Variants in FSTL5 observed in about 807,000 individuals in gnomAD.
The protein encoded by FSTL5 is follistatin like 5, also known as follistatin-related protein 5.
Under a neutral mutation model 89.1 loss-of-function variants are expected in FSTL5, and 62 were observed. That is an observed-to-expected ratio of 0.70 (90% CI 0.57 to 0.86). The LOEUF is 0.86. Ranked by LOEUF, FSTL5 falls within the 40% of genes least tolerant of loss-of-function variation. FSTL5 has a pLI of 0.00. For synonymous variants in FSTL5, 383 were observed against 346.2 expected (o/e 1.11, Z -1.18); for missense variants, 1,057 against 1,001.6 (o/e 1.06, Z -0.75).
At chr4:161,737,796 A>C (rs1739869684) in intron 6 of FSTL5, among the ~76,000 whole-genome samples, 1 of 147,388 alleles carries the variant, frequency 6.8e-6, no homozygotes, top group African/African-American at 2.5e-5. Flanking sequence ...TTTAGAGATA[A>C]AGAAAAAAAA....
chr4:161,934,115 G>T (rs2110903231), intron 3 of FSTL5, among the ~76,000 whole-genome samples: 1 of 152,144 alleles, frequency 6.6e-6, no homozygotes, highest in Middle Eastern at 3.4e-3. Context: ...GAAGAAACTA[G>T]CTCCAAATAG....
intron 7 of FSTL5, among the ~76,000 whole-genome samples, chr4:161,594,133 G>A (rs1195746790): frequency 1.3e-5 from 2 of 151,982 alleles, no homozygotes; most frequent in African/African-American, 4.8e-5. Flanking sequence ...AAGATATCTA[G>A]TCTCCATAAC....
At chr4:161,770,656 A>G (rs1741176813) in intron 5 of FSTL5, among the ~76,000 whole-genome samples, 2 of 151,944 alleles carry the variant, frequency 1.3e-5, no homozygotes, top group African/African-American at 4.8e-5. Flanking sequence ...CAACGTTTTC[A>G]TTATTTTTAA....
intron 7 of FSTL5, among the ~76,000 whole-genome samples, chr4:161,649,217 T>C (rs1364232621): frequency 6.6e-6 from 1 of 152,206 alleles, no homozygotes; most frequent in Non-Finnish European, 1.5e-5. Context: ...GATCTTGTAA[T>C]TTACATGTGG....
intron 4 of FSTL5, among the ~76,000 whole-genome samples, chr4:161,814,838 T>C (rs11935192): frequency 0.25 from 37,302 of 151,934 alleles, 4,745 homozygotes; most frequent in Non-Finnish European, 0.26. Context: ...CATGATGAGA[T>C]AGTATGTTCC....
chr4:161,759,453 C>A lies in FSTL5; in HGVS notation c.685G>T (p.Ala229Ser). 1.3e-6 allele frequency: 2 copies of A among 1,595,882 alleles called. No homozygotes were observed. The highest frequency in any genetic ancestry group is 2.3e-5 in the East Asian group (1 of 43,410). Residue 229 changes from alanine (A) to serine (S), a missense_variant, in exon 6 of 16, where the codon GCT (alanine) becomes TCT (serine). Physicochemically the swap from Ala to Ser is moderately conservative, Grantham distance 99. Transcript: ENST00000306100. ...TCTTCAAGAGCCAGGTGCTTGTCAG[C>A]ATTAAAATCATCATATTTCAATAGA... ...YVLLKYDDFNADKHLALEEFY... is the reference protein window; with the variant it reads ...YVLLKYDDFNSDKHLALEEFY...
At position 161,542,493 on chromosome 4, in the gene FSTL5, C is replaced by T. The variant is rs201467833; in HGVS notation, c.1177+39G>A. ...TATAAATTTTAGTATAAATTTTCAA[C>T]ATGGTCATTTAAGAGAAAAAAAAGC... On this transcript the variant is annotated intron_variant, in intron 9 of 15. Coordinates refer to ENST00000306100, the MANE Select transcript of FSTL5 (RefSeq NM_020116.5). The T allele has an allele frequency of 7.7e-6, 10 of 1,299,130 alleles. No homozygotes were observed. In the East Asian group the frequency reaches 1.7e-4, roughly 22 times the overall value. 80.5% of individuals were successfully genotyped at this position (1,299,130 alleles called of 1,614,324 possible).
chr4:161,676,231 C>T (rs1737295052), intron 6 of FSTL5, among the ~76,000 whole-genome samples: 1 of 151,910 alleles, frequency 6.6e-6, no homozygotes, highest in African/African-American at 2.4e-5. Flanking sequence ...TGGTATGATA[C>T]CTTATTTGCT....
chr4:161,501,275 C>T (rs1040508847), intron 11 of FSTL5, among the ~76,000 whole-genome samples: 1 of 151,834 alleles, frequency 6.6e-6, no homozygotes, highest in Non-Finnish European at 1.5e-5. Flanking sequence ...AAGATTCAGC[C>T]TGGGCTTTCC....
At chr4:162,122,562 A>C (rs1240019014) in intron 1 of FSTL5, among the ~76,000 whole-genome samples, 1 of 152,138 alleles carries the variant, frequency 6.6e-6, no homozygotes, top group Non-Finnish European at 1.5e-5. Flanking sequence ...TCAGACTGAC[A>C]ATGTTGAATT....
chr4:161,475,968 T>C (rs574531466), intron 13 of FSTL5, among the ~76,000 whole-genome samples: 1 of 152,058 alleles, frequency 6.6e-6, no homozygotes, highest in Non-Finnish European at 1.5e-5. Flanking sequence ...TTAGCGAGGA[T>C]GGTCTTGATC....
At chr4:161,987,661 A>G (rs1434050117) in intron 3 of FSTL5, among the ~76,000 whole-genome samples, 1 of 148,970 alleles carries the variant, frequency 6.7e-6, no homozygotes, top group East Asian at 1.9e-4. Flanking sequence ...TGAAATATAT[A>G]TATAATGAAA....
At chr4:161,882,840 G>A (rs988709623) in intron 4 of FSTL5, among the ~76,000 whole-genome samples, 2 of 152,070 alleles carry the variant, frequency 1.3e-5, no homozygotes, top group Non-Finnish European at 2.9e-5. Context: ...ACATAGTAGA[G>A]CAAGCAGCAT....
At chr4:161,778,927 T>C (rs927787962) in intron 4 of FSTL5, among the ~76,000 whole-genome samples, 2 of 152,206 alleles carry the variant, frequency 1.3e-5, no homozygotes, top group African/African-American at 4.8e-5. Flanking sequence ...CCAATAGCCT[T>C]TCCTTGGATT....
intron 4 of FSTL5, among the ~76,000 whole-genome samples, chr4:161,841,759 T>TAGTTGCATGGTGAATCAG (rs1731218536): frequency 6.6e-6 from 1 of 152,218 alleles, no homozygotes; most frequent in Non-Finnish European, 1.5e-5. Flanking sequence ...GTGGCCCATG[T>TAGTTGCATGGTGAATCAG]AGTAGTTGCA....
chr4:161,507,324 G>A (rs10010248), intron 11 of FSTL5, among the ~76,000 whole-genome samples: 2,564 of 151,380 alleles, frequency 0.017, 63 homozygotes, highest in African/African-American at 0.058. Flanking sequence ...TTAATTATAC[G>A]TATCATAAAT....
chr4:161,825,656 G>C (rs771020363), intron 4 of FSTL5, among the ~76,000 whole-genome samples: 2 of 151,888 alleles, frequency 1.3e-5, no homozygotes, highest in African/African-American at 2.4e-5. Flanking sequence ...TCTCTTCTAG[G>C]TTTTCCAGTT....
intron 4 of FSTL5, among the ~76,000 whole-genome samples, chr4:161,852,300 CAAAT>C (rs568964423): frequency 1.3e-5 from 2 of 152,050 alleles, no homozygotes; most frequent in South Asian, 2.1e-4. Flanking sequence ...GAAAAACTAA[CAAAT>C]AAATAACAAA....
chr4:161,662,015 T>G (rs1415915623), intron 6 of FSTL5, among the ~76,000 whole-genome samples: 1 of 152,178 alleles, frequency 6.6e-6, no homozygotes. Flanking sequence ...GTTGAGGATT[T>G]TTTTTCATTT....
Sources: gnomAD v4.1 joint callset for allele counts (sites outside exome capture counted in the v4.1 genomes callset) on GRCh38, gnomAD v4.1.1 for gene constraint, MANE v1.5 for transcripts, NCBI Gene and HGNC (gene_info 2026-07-23, HGNC 2026-07-21) for gene names.